DGKI: variants seen among roughly 807,000 people sequenced by gnomAD.
DGKI encodes the protein diacylglycerol kinase iota.
Under a neutral mutation model 147.5 loss-of-function variants are expected in DGKI, and 55 were observed. That is an observed-to-expected ratio of 0.37 (90% CI 0.30 to 0.47). DGKI has a LOEUF of 0.47. DGKI is among the 20% of genes least tolerant of loss of function. The pLI is 1.00. For missense variants in DGKI, 1,007 were observed against 1,323.8 expected (o/e 0.76, Z 3.71); for synonymous variants, 469 against 477.1 (o/e 0.98, Z 0.22).
chr7:137,491,444 G>A (rs867501721), intron 21 of DGKI, among the ~76,000 whole-genome samples: 1 of 152,120 alleles, frequency 6.6e-6, no homozygotes, highest in Admixed American at 6.5e-5. Flanking sequence ...ATATTAACAT[G>A]AGAACAGGCC....
intron 1 of DGKI, among the ~76,000 whole-genome samples, chr7:137,733,484 T>C (rs1794940447): frequency 6.6e-6 from 1 of 152,084 alleles, no homozygotes; most frequent in South Asian, 2.1e-4. Flanking sequence ...GGTTTATCTA[T>C]CCATCCATCA....
intron 28 of DGKI, among the ~76,000 whole-genome samples, chr7:137,434,032 G>A (rs1484945732): frequency 6.6e-6 from 1 of 151,410 alleles, no homozygotes; most frequent in East Asian, 2.0e-4. Flanking sequence ...GGCAGGAGAA[G>A]CGCTTGAACC....
intron 20 of DGKI, among the ~76,000 whole-genome samples, 190 bp downstream of exon 20, chr7:137,552,179 G>A (rs1818067872): frequency 6.6e-6 from 1 of 152,116 alleles, no homozygotes; most frequent in Admixed American, 6.6e-5. Flanking sequence ...TAAAAGAAGG[G>A]CATGGAACTG....
At chr7:137,762,459 G>A (rs983805741) in intron 1 of DGKI, among the ~76,000 whole-genome samples, 1 of 152,170 alleles carries the variant, frequency 6.6e-6, no homozygotes, top group South Asian at 2.1e-4. Flanking sequence ...AGCAGGGAAC[G>A]CTAAAGTGAG....
Position 137,569,728 on chromosome 7 carries a change from C to CAAAAAAAAAAAAAAAAAAAA in DGKI, c.1947+1427_1947+1446dup, listed in dbSNP as rs60719355. Among the ~76,000 whole-genome samples, 10 of 64,612 alleles carry CAAAAAAAAAAAAAAAAAAAA rather than the reference C, an allele frequency of 1.5e-4. 2 individuals are homozygous for CAAAAAAAAAAAAAAAAAAAA. Among genetic ancestry groups the CAAAAAAAAAAAAAAAAAAAA allele is most frequent in the South Asian group, 5.2e-4 (1 of 1,936 alleles). The allele number at this position is 64,612 out of a possible 152,430, so 42.4% of individuals were successfully genotyped here. On this transcript the variant is annotated intron_variant, in intron 19 of 32. Coordinates refer to ENST00000614521, the MANE Select transcript of DGKI (RefSeq NM_001321708.2). ...TGGGCAACAGAGTGAGACTCTGTCT[C>CAAAAAAAAAAAAAAAAAAAA]AAAAAAAAAAAAAAAAAAAAAAAAA...
chr7:137,561,586 G>A (rs115774110), intron 19 of DGKI, among the ~76,000 whole-genome samples: 1,724 of 152,212 alleles, frequency 0.011, 19 homozygotes, highest in African/African-American at 0.024. Context: ...CCAACACAAA[G>A]AAATGACAAA....
At chr7:137,638,632 G>GTATATATACACACATATGTA (rs1563126028) in intron 6 of DGKI, among the ~76,000 whole-genome samples, 1 of 31,472 alleles carries the variant, frequency 3.2e-5, no homozygotes, top group East Asian at 1.4e-3. Flanking sequence ...ATATATATGT[G>GTATATATACACACATATGTA]TGTATATATG....
At position 137,694,234 on chromosome 7, in the gene DGKI, T is replaced by C. The variant is rs972805086; in HGVS notation, c.402-4232A>G. 5.6e-4 allele frequency among the ~76,000 whole-genome samples: 83 copies of C among 148,984 alleles called. 6 individuals are homozygous for C. Among genetic ancestry groups the C allele is most frequent in the African/African-American group, 2.5e-5 (1 of 40,170 alleles). On this transcript the variant is annotated intron_variant, in intron 1 of 32. Transcript: ENST00000614521. ...TACTTAGGAGGCTGAGGAAAGAGAA[T>C]GGCATGAACCCCAGGGGGCGGAGCC...
intron 12 of DGKI, 61 bp from the exon 13 acceptor site, chr7:137,587,271 A>C (rs1196753480): frequency 2.2e-6 from 3 of 1,341,512 alleles, no homozygotes; most frequent in East Asian, 5.1e-5. Context: ...CAAAGAAAAC[A>C]GTTTGAGAAA....
intron 2 of DGKI, among the ~76,000 whole-genome samples, chr7:137,684,844 G>A (rs951080365): frequency 6.6e-6 from 1 of 152,186 alleles, no homozygotes; most frequent in Non-Finnish European, 1.5e-5. Context: ...CTGATGAAGA[G>A]GGGGGCCTGA....
At chr7:137,700,878 CAAATAAATAAATAAATAAATAAATAAAT>C (rs143983872) in intron 1 of DGKI, among the ~76,000 whole-genome samples, 3,212 of 146,706 alleles carry the variant, frequency 0.022, 68 homozygotes, top group Non-Finnish European at 0.034. Flanking sequence ...AGCTCCGTCT[CAAATAAATAAATAAATAAATAAATAAAT>C]AAATAAATAA....
intron 6 of DGKI, among the ~76,000 whole-genome samples, chr7:137,634,249 C>T (rs1345325859): frequency 6.6e-6 from 1 of 152,148 alleles, no homozygotes; most frequent in African/African-American, 2.4e-5. Flanking sequence ...TAGAATGGGG[C>T]CCAGAGCATG....
intron 20 of DGKI, among the ~76,000 whole-genome samples, chr7:137,533,932 A>G (rs1271899551): frequency 1.3e-5 from 2 of 152,086 alleles, no homozygotes; most frequent in African/African-American, 2.4e-5. Context: ...ACAAAATGTG[A>G]TGTGTTCTAG....
chr7:137,603,844 C>G (rs1218839738), intron 10 of DGKI, among the ~76,000 whole-genome samples: 1 of 152,156 alleles, frequency 6.6e-6, no homozygotes, highest in Non-Finnish European at 1.5e-5. Flanking sequence ...TTTTCTGAAC[C>G]ATGAGACAGG....
intron 1 of DGKI, among the ~76,000 whole-genome samples, chr7:137,696,881 C>A (rs1382532619): frequency 1.3e-5 from 2 of 152,046 alleles, no homozygotes; most frequent in East Asian, 3.9e-4. Flanking sequence ...GGCCCCTAAC[C>A]TAATATGACT....
chr7:137,722,714 C>A, intron 1 of DGKI: 1 of 1,579,814 alleles, frequency 6.3e-7, no homozygotes, highest in East Asian at 2.2e-5. Context: ...TATGAGATTA[C>A]GGAGCAGTGC....
At chr7:137,769,378 G>T (rs1403519041) in intron 1 of DGKI, among the ~76,000 whole-genome samples, 1 of 152,226 alleles carries the variant, frequency 6.6e-6, no homozygotes, top group Non-Finnish European at 1.5e-5. Flanking sequence ...GGATTAATCA[G>T]CAAGGGAAGA....
At chr7:137,570,593 A>ATT (rs199646642) in intron 19 of DGKI, among the ~76,000 whole-genome samples, 36 of 143,362 alleles carry the variant, frequency 2.5e-4, no homozygotes, top group African/African-American at 4.5e-4. Flanking sequence ...CTATAGTGTA[A>ATT]TTTTTTTTTT....
intron 27 of DGKI, chr7:137,454,807 C>T (rs1814122862): frequency 6.6e-6 from 1 of 152,194 alleles, no homozygotes; most frequent in Non-Finnish European, 1.5e-5. Context: ...CCAGCTTTAT[C>T]CTAGTGACTC....
Sources: gnomAD v4.1 joint callset for allele counts (sites outside exome capture counted in the v4.1 genomes callset) on GRCh38, gnomAD v4.1.1 for gene constraint, MANE v1.5 for transcripts, NCBI Gene and HGNC (gene_info 2026-07-23, HGNC 2026-07-21) for gene names.